Variants in CSPG4 observed in about 807,000 individuals in gnomAD.
CSPG4 encodes the protein chondroitin sulfate proteoglycan 4, also known as chondroitin sulfate proteoglycan 4 (melanoma-associated).
CSPG4 carries 74 observed loss-of-function variants against 139.3 expected under a neutral mutation model. That is an observed-to-expected ratio of 0.53 (90% CI 0.44 to 0.64). CSPG4 has a LOEUF of 0.64. Ranked by LOEUF, CSPG4 falls within the 30% of genes least tolerant of loss-of-function variation. CSPG4 has a pLI of 0.00. For missense variants in CSPG4, 2,565 were observed against 3,148.3 expected (o/e 0.81, Z 4.43); for synonymous variants, 1,234 against 1,394.2 (o/e 0.89, Z 2.56).
chr15:75,680,389 T>G (rs994956758), intron 8 of CSPG4: 1 of 152,210 alleles, frequency 6.6e-6, no homozygotes, highest in Non-Finnish European at 1.5e-5. Context: ...TTTAAGAAAA[T>G]GGGAATCAAG....
Position 75,689,754 on chromosome 15 carries a change from C to T in CSPG4, c.1311G>A (p.Leu437=). ...NFTQLLTISP[L]VVAEGGTAWL... ...AGGCTGTGCCCCCCTCGGCCACCAC[C>T]AGTGGGCTGATAGTCAGCAGCTGGG... The change falls in exon 3 of 10, where the codon CTG becomes CTA. Residue 437 remains leucine, a synonymous_variant. Coordinates refer to ENST00000308508, the MANE Select transcript of CSPG4 (RefSeq NM_001897.5). 6.2e-7 allele frequency: 1 copy of T among 1,612,732 alleles called. No homozygotes were observed. The highest frequency in any genetic ancestry group is 1.3e-5 in the African/African-American group (1 of 75,072).
At position 75,689,879 on chromosome 15, in the gene CSPG4, C is replaced by G; in HGVS notation, c.1186G>C (p.Glu396Gln). The change falls in exon 3 of 10, where the codon GAA becomes CAA. Residue 396 changes from glutamate (E) to glutamine (Q), a missense_variant. Transcript: ENST00000308508. ...TCAGGGGCCAGGGTGGAGAAAGCTT[C>G]ATAATGTCCATAGGCATCGTCCTCA... is the stretch of plus-strand genomic sequence containing the variant. ...EYEDDAYGHY[E>Q]AFSTLAPEAW... 6.2e-7 allele frequency: 1 copy of G among 1,612,222 alleles called. No homozygotes were observed. Among genetic ancestry groups the G allele is most frequent in the Non-Finnish European group, 8.5e-7 (1 of 1,179,460 alleles).
chr15:75,694,463 C>T (rs1486800091), intron 1 of CSPG4, among the ~76,000 whole-genome samples: 1 of 152,216 alleles, frequency 6.6e-6, no homozygotes, highest in African/African-American at 2.4e-5. Context: ...GTTGGGCTTC[C>T]CTCAAACCCG....
chr15:75,684,029 G>A (rs1165801788), intron 5 of CSPG4, among the ~76,000 whole-genome samples: 4 of 123,020 alleles, frequency 3.3e-5, no homozygotes, highest in Admixed American at 8.2e-5. Flanking sequence ...CCAAGGCCCC[G>A]CCCCCACCCC....
Position 75,676,528 on chromosome 15 carries a change from G to C in CSPG4, c.5991C>G (p.Thr1997=), listed in dbSNP as rs780864283. Residue 1997 remains threonine, a synonymous_variant, in exon 10 of 10, where the codon ACC becomes ACG. Transcript: ENST00000308508. ...YGHLLVGGRP[T]SAFSQFQIDQ... Reference sequence around the variant, plus strand: ...CTATCTGGAATTGGCTGAAGGCCGAGGTGGGCCGCCCGCCCACCAGGAGAT... The same window carrying C: ...CTATCTGGAATTGGCTGAAGGCCGACGTGGGCCGCCCGCCCACCAGGAGAT... The C allele has an allele frequency of 1.2e-6, 2 of 1,613,778 alleles. No homozygotes were observed. Among genetic ancestry groups the C allele is most frequent in the Non-Finnish European group, 1.7e-6 (2 of 1,179,994 alleles).
intron 4 of CSPG4, 50 bp from the exon 5 acceptor site, chr15:75,684,962 G>A: frequency 1.3e-6 from 2 of 1,551,348 alleles, no homozygotes; most frequent in Admixed American, 1.7e-5. Context: ...CACCCTTCAT[G>A]CCCTGCCTTT....
At position 75,689,999 on chromosome 15, in the gene CSPG4, C is replaced by T; in HGVS notation, c.1066G>A (p.Glu356Lys). 6.2e-7 allele frequency: 1 copy of T among 1,611,942 alleles called. No individual in the cohort carries two copies. The highest frequency in any genetic ancestry group is 8.5e-7 in the Non-Finnish European group (1 of 1,179,588). The change falls in exon 3 of 10, where the codon GAA (glutamate) becomes AAA (lysine). Residue 356 changes from glutamate to lysine, a missense_variant. Glu to Lys is a moderately conservative substitution (Grantham distance 56, BLOSUM62 1). This residue lies in a region of CSPG4 where 2,316 missense variants were observed against 2,818.2 expected (regional missense o/e 0.82). Coordinates refer to ENST00000308508, the MANE Select transcript of CSPG4 (RefSeq NM_001897.5). ...ATNASLLGCM[E>K]DLSVNGQRRG... is the part of the protein sequence containing the mutation. ...CTCTGGCCATTGACACTGAGGTCTT[C>T]CATGCAGCCCAGCAGGGAGGCATTG...
Position 75,688,940 on chromosome 15 carries a change from A to T in CSPG4, c.2125T>A (p.Phe709Ile). 1 of 1,612,312 alleles carries T rather than the reference A, an allele frequency of 6.2e-7. No individual in the cohort carries two copies. The highest frequency in any genetic ancestry group is 1.1e-5 in the South Asian group (1 of 91,040). Residue 709 changes from phenylalanine to isoleucine, a missense_variant, in exon 3 of 10, where the codon TTT (phenylalanine) becomes ATT (isoleucine). Physicochemically the swap from Phe to Ile is conservative, Grantham distance 21. Transcript: ENST00000308508. ...GCCCCCTGCTTCTGCAGCTCCCCAA[A>T]CTGCAGGGCCCCAGTGACGCGGAAC... ...VLFRVTGALQ[F>I]GELQKQGAGG...
rs147474817 is a variant in CSPG4, at chr15:75,689,490, C to T, written c.1575G>A (p.Thr525=). 63 of 1,612,724 alleles carry T rather than the reference C, an allele frequency of 3.9e-5. 1 individual carries two copies. The African/African-American group carries it at 6.1e-4, about 16-fold the overall frequency. The change falls in exon 3 of 10, where the codon ACG becomes ACA. Residue 525 remains threonine (T), a synonymous_variant. Transcript: ENST00000308508. The part of the protein sequence containing the change: ...SDQLVLEVSV[T]ARVPMPSCLR... ...GGCATGAGGGCATGGGCACCCGAGCCGTCACCGACACCTCCAGCACCAGCT... is the reference window on the plus strand; with the variant it reads ...GGCATGAGGGCATGGGCACCCGAGCTGTCACCGACACCTCCAGCACCAGCT...
chr15:75,695,206 A>G (rs1894210281), intron 1 of CSPG4, among the ~76,000 whole-genome samples: 1 of 152,128 alleles, frequency 6.6e-6, no homozygotes, highest in Non-Finnish European at 1.5e-5. Flanking sequence ...CCACCCTTGC[A>G]CTAAAGGTAT....
chr15:75,706,710 T>G (rs575025005), intron 1 of CSPG4, among the ~76,000 whole-genome samples: 2 of 151,792 alleles, frequency 1.3e-5, no homozygotes, highest in African/African-American at 4.8e-5. Context: ...GCAGCTTGAG[T>G]AGAAGTGGAA....
At chr15:75,694,777 C>T (rs1894205650) in intron 1 of CSPG4, among the ~76,000 whole-genome samples, 1 of 152,394 alleles carries the variant, frequency 6.6e-6, no homozygotes, top group East Asian at 1.9e-4. Context: ...TGCAGACCAT[C>T]TGCGCGGGGG....
chr15:75,706,822 G>T (rs529117805), intron 1 of CSPG4, among the ~76,000 whole-genome samples: 48 of 152,266 alleles, frequency 3.2e-4, no homozygotes, highest in South Asian at 6.2e-4. Context: ...TGATATATTT[G>T]GGGAGAGAAG....
intron 8 of CSPG4, among the ~76,000 whole-genome samples, chr15:75,681,214 C>A (rs1893969485): frequency 6.6e-6 from 1 of 152,200 alleles, no homozygotes; most frequent in African/African-American, 2.4e-5. Context: ...GCCCAAGAAA[C>A]TTCATTCCAC....
chr15:75,678,705 T>C (rs540720453), intron 8 of CSPG4: 47 of 456,248 alleles, frequency 1.0e-4, no homozygotes, highest in African/African-American at 7.6e-4. Context: ...CCCCTGCCCC[T>C]TTGCTTCTCT....
rs202135077 is a variant in CSPG4 at position 75,687,767 on chromosome 15, G to A, written c.3298C>T (p.Arg1100Cys). 4.8e-5 allele frequency: 77 copies of A among 1,612,948 alleles called. 1 individual carries two copies. The African/African-American group carries it at 8.9e-4, about 19-fold the overall frequency. ...GACACCTGCAGCTGGATCCAGCCAC[G>A]GTCAGCCCCTGAGTGCACGAACAGT... Reference protein sequence around the residue: ...RVLFVHSGADRGWIQLQVSDG... With the variant: ...RVLFVHSGADCGWIQLQVSDG... The change falls in exon 3 of 10, where the codon CGT (arginine) becomes TGT (cysteine). Residue 1100 changes from arginine (R) to cysteine (C), a missense_variant. Transcript: ENST00000308508. This position sits in a 1 kb window ranked among gnomAD's most constrained non-coding sequence, Gnocchi z 5.4.
intron 2 of CSPG4, among the ~76,000 whole-genome samples, chr15:75,691,314 G>T (rs138394678): frequency 1.1e-3 from 169 of 152,340 alleles, no homozygotes; most frequent in East Asian, 6.6e-3. Flanking sequence ...CTCACCAAAG[G>T]AAACTCTGGG....
chr15:75,676,169 T>G lies in CSPG4; in HGVS notation c.6350A>C (p.Asp2117Ala). The change falls in exon 10 of 10, where the codon GAC (aspartate) becomes GCC (alanine). Residue 2117 changes from aspartate to alanine, a missense_variant. Physicochemically the swap from Asp to Ala is moderately radical, Grantham distance 126 (BLOSUM62 -2). Around this residue, in one of 5 missense-constraint regions of CSPG4, gnomAD observed 2,316 missense variants for 2,818.2 expected, o/e 0.82. Transcript: ENST00000308508. ...SQLVEQFTQQ[D>A]LEDGRLGLEV... ...CAGCCCCAGCCTCCCGTCCTCAAGG[T>G]CCTGCTGAGTGAACTGCTCCACCAG... 6.4e-7 allele frequency: 1 copy of G among 1,550,476 alleles called. No individual in the cohort carries two copies. Among genetic ancestry groups the G allele is most frequent in the Non-Finnish European group, 8.7e-7 (1 of 1,154,834 alleles).
chr15:75,674,415 T>C lies in CSPG4; in HGVS notation c.*1135A>G. ...ACTGAACTGAAGGGGTTTGGTCCCA[T>C]CACCCGAAGACTGGCCCACCTGCCC... On this transcript the variant is annotated 3_prime_UTR_variant, in exon 10 of 10. Coordinates refer to ENST00000308508, the MANE Select transcript of CSPG4 (RefSeq NM_001897.5). 1 of 310,684 alleles carries C rather than the reference T, an allele frequency of 3.2e-6. No homozygotes were observed. Among genetic ancestry groups the C allele is most frequent in the Non-Finnish European group, 5.9e-6 (1 of 169,590 alleles). 19.2% of individuals were successfully genotyped at this position (310,684 alleles called of 1,614,324 possible).
Sources: gnomAD v4.1 joint callset for allele counts (sites outside exome capture counted in the v4.1 genomes callset) on GRCh38, gnomAD v4.1.1 for gene constraint, gnomAD v4.1.1 regional missense constraint, Gnocchi (gnomAD v3.1) non-coding constraint, MANE v1.5 for transcripts, NCBI Gene and HGNC (gene_info 2026-07-23, HGNC 2026-07-21) for gene names.